Variants in CARD18 observed in about 807,000 individuals in gnomAD.
CARD18 encodes caspase recruitment domain family member 18, also known as caspase recruitment domain-containing protein 18.
CARD18 carries 7 observed loss-of-function variants against 7.9 expected under a neutral mutation model. That is an observed-to-expected ratio of 0.88 (90% CI 0.50 to 1.66). CARD18 has a LOEUF of 1.66. Among genes scored for constraint, CARD18 ranks in the 40% most tolerant of loss-of-function variants. CARD18 has a pLI of 0.00. For missense variants in CARD18, 134 were observed against 105.5 expected (o/e 1.27, Z -1.18); for synonymous variants, 34 against 34.8 (o/e 0.98, Z 0.08).
chr11:105,137,766 G>A lies in CARD18; in HGVS notation c.*334C>T, dbSNP rs1031371647. The A allele has an allele frequency of 6.6e-6, 1 of 152,078 alleles. No individual in the cohort carries two copies. Among genetic ancestry groups the A allele is most frequent in the Non-Finnish European group, 1.5e-5 (1 of 68,014 alleles). The allele number at this position is 152,078 out of a possible 1,614,324, so 9.4% of individuals were successfully genotyped here. A position where few individuals can be genotyped will look rare whatever the true frequency, so the allele number is the denominator to read the frequency against. ...TTATTCCCATCACAGCAGACTCTCA[G>A]TGCTAAAAGCACCAAAGTAAGCTGT... is the stretch of plus-strand genomic sequence containing the variant. On this transcript the variant is annotated 3_prime_UTR_variant, in exon 3 of 3. Coordinates refer to ENST00000530950, the MANE Select transcript of CARD18 (RefSeq NM_021571.4).
chr11:105,138,673 A>G, intron 2 of CARD18, 139 bp downstream of exon 2: 1 of 910,714 alleles, frequency 1.1e-6, no homozygotes, highest in Non-Finnish European at 1.7e-6. Flanking sequence ...CATAAGCTAG[A>G]GCCATGCATA....
chr11:105,139,304 A>T (rs1865444948), intron 1 of CARD18: 1 of 565,908 alleles, frequency 1.8e-6, no homozygotes, highest in Non-Finnish European at 3.1e-6. Flanking sequence ...TTTTTCTGTG[A>T]ATCTCCTAAA....
At chr11:105,139,145 G>A (rs1865443128) in intron 1 of CARD18, 67 bp from the exon 2 acceptor site, 17 of 1,513,724 alleles carry the variant, frequency 1.1e-5, no homozygotes, top group Non-Finnish European at 1.5e-5. Context: ...TTTACCAACA[G>A]GGTAACAATC....
intron 1 of CARD18, 185 bp from the exon 2 acceptor site, chr11:105,139,263 A>C: frequency 1.6e-6 from 1 of 627,680 alleles, no homozygotes; most frequent in Admixed American, 3.3e-5. Context: ...ACATATGCTC[A>C]CTGAGTGACC....
chr11:105,138,506 C>T (rs889451061), intron 2 of CARD18, among the ~76,000 whole-genome samples: 1 of 151,940 alleles, frequency 6.6e-6, no homozygotes, highest in African/African-American at 2.4e-5. Flanking sequence ...GTACATTGCT[C>T]CCCAGGACCA....
At position 105,138,942 on chromosome 11, in the gene CARD18, G is replaced by A. The variant is rs374779062; in HGVS notation, c.144C>T (p.Asp48=). The A allele has an allele frequency of 6.2e-5, 100 of 1,613,600 alleles. No individual in the cohort carries two copies. Among genetic ancestry groups the A allele is most frequent in the Non-Finnish European group, 8.2e-5 (97 of 1,179,738 alleles). Reference sequence around the variant, plus strand: ...AGACTCGAGCCTTATCCATGACAGTGTCATTTTCATCTCTCACTTTGTTCA... The same window carrying A: ...AGACTCGAGCCTTATCCATGACAGTATCATTTTCATCTCTCACTTTGTTCA... ...EDMNKVRDEN[D]TVMDKARVLI... The change falls in exon 2 of 3, where the codon GAC becomes GAT. Residue 48 remains aspartate (D), a synonymous_variant. Coordinates refer to ENST00000530950, the MANE Select transcript of CARD18 (RefSeq NM_021571.4).
chr11:105,139,477 T>A, intron 1 of CARD18: 1 of 568,936 alleles, frequency 1.8e-6, no homozygotes, highest in Non-Finnish European at 3.1e-6. Flanking sequence ...ACTCTTCAAA[T>A]GTGGACAACA....
chr11:105,139,181 C>G, intron 1 of CARD18, 103 bp from the exon 2 acceptor site: 1 of 1,293,668 alleles, frequency 7.7e-7, no homozygotes, highest in African/African-American at 1.5e-5. Context: ...TCCACAAGTA[C>G]AGTAATCCCA....
At chr11:105,139,660 G>T in intron 1 of CARD18, 60 bp downstream of exon 1, 3 of 1,575,088 alleles carry the variant, frequency 1.9e-6, no homozygotes, top group Non-Finnish European at 2.6e-6. Context: ...AATGAGAAAG[G>T]CAGTCCTTTC....
In CARD18 at chr11:105,137,810, G is replaced by A. The variant is rs909947691; in HGVS notation, c.*290C>T. On this transcript the variant is annotated 3_prime_UTR_variant, in exon 3 of 3. Transcript: ENST00000530950. ...AAGCTGTACATGTCTCTACAGGATT[G>A]CAAAGGAACTAAACAGAAAGGAAGG... is the stretch of plus-strand genomic sequence containing the variant. 1 of 152,072 alleles carries A rather than the reference G, an allele frequency of 6.6e-6. No homozygotes were observed. Among genetic ancestry groups the A allele is most frequent in the African/African-American group, 2.4e-5 (1 of 41,394 alleles). The allele number at this position is 152,072 out of a possible 1,614,324, so 9.4% of individuals were successfully genotyped here.
intron 1 of CARD18, 84 bp downstream of exon 1, chr11:105,139,636 C>T: frequency 1.3e-6 from 2 of 1,502,890 alleles, no homozygotes; most frequent in Admixed American, 1.7e-5. Flanking sequence ...CCCACACAAA[C>T]CTTCACAAAG....
Position 105,139,048 on chromosome 11 carries a change from A to C in CARD18, c.38T>G (p.Phe13Cys). The C allele has an allele frequency of 1.2e-6, 2 of 1,613,314 alleles. No individual in the cohort carries two copies. The highest frequency in any genetic ancestry group is 1.7e-6 in the Non-Finnish European group (2 of 1,179,566). ...DQLLRKKRRI[F>C]IHSVGAGTIN... is the part of the protein sequence containing the mutation. The stretch of plus-strand genomic sequence containing the variant: ...TGTGCCTGCACCCACTGAATGGATA[A>C]AAATTCTTCTCTTTTTACGCAAGAG... The change falls in exon 2 of 3, where the codon TTT becomes TGT. Residue 13 changes from phenylalanine (F) to cysteine (C), a missense_variant. Transcript: ENST00000530950.
At chr11:105,139,198 G>A (rs1407441905) in intron 1 of CARD18, 120 bp from the exon 2 acceptor site, 14 of 1,120,448 alleles carry the variant, frequency 1.2e-5, no homozygotes, top group Admixed American at 2.3e-5. Context: ...CCCAAGGAAC[G>A]GTCTTATACC....
Position 105,138,824 on chromosome 11 carries a change from C to T in CARD18, c.262G>A (p.Gly88Ser). The T allele has an allele frequency of 1.9e-6, 3 of 1,613,490 alleles. No individual in the cohort carries two copies. Among genetic ancestry groups the T allele is most frequent in the Admixed American group, 1.7e-5 (1 of 59,996 alleles). The change falls in exon 2 of 3, where the codon GGT becomes AGT. Residue 88 changes from glycine to serine, a missense_variant. Gly to Ser is a moderately conservative substitution (Grantham distance 56, BLOSUM62 0). Coordinates refer to ENST00000530950, the MANE Select transcript of CARD18 (RefSeq NM_021571.4). ...EEDPQLASKM[G>S]LH ...CATTCCACCTTACCTTAGTGCAAAC[C>T]CATCTTTGAGGCAAGTTGAGGGTCT...
intron 1 of CARD18, 139 bp downstream of exon 1, chr11:105,139,581 C>G: frequency 1.2e-6 from 1 of 867,314 alleles, no homozygotes; most frequent in Non-Finnish European, 1.8e-6. Flanking sequence ...GGGCATCTTC[C>G]CACCCTGCCT....
rs2134724649 is a variant in CARD18 at position 105,138,042 on chromosome 11, C to A, written c.*58G>T. The A allele has an allele frequency of 1.3e-5, 2 of 152,168 alleles. 1 individual carries two copies. Among genetic ancestry groups the A allele is most frequent in the East Asian group, 3.9e-4 (2 of 5,154 alleles). 9.4% of individuals were successfully genotyped at this position (152,168 alleles called of 1,614,324 possible). A position where few individuals can be genotyped will look rare whatever the true frequency, so the allele number is the denominator to read the frequency against. ...TTTTTTTCTTTCACGAGAATATCTT[C>A]TCCCTTGGAAGAAGCTCTGGGAAGT... On this transcript the variant is annotated 3_prime_UTR_variant, in exon 3 of 3. Coordinates refer to ENST00000530950, the MANE Select transcript of CARD18 (RefSeq NM_021571.4).
intron 2 of CARD18, among the ~76,000 whole-genome samples, chr11:105,138,407 G>T (rs185439724): frequency 1.3e-5 from 2 of 152,110 alleles, no homozygotes; most frequent in Non-Finnish European, 2.9e-5. Flanking sequence ...GGGAGATGGG[G>T]TAAGAGCAGG....
chr11:105,137,960 T>G lies in CARD18; in HGVS notation c.*140A>C, dbSNP rs938563472. 6.6e-6 allele frequency: 1 copy of G among 152,190 alleles called. No homozygotes were observed. Among genetic ancestry groups the G allele is most frequent in the Non-Finnish European group, 1.5e-5 (1 of 68,034 alleles). 9.4% of individuals were successfully genotyped at this position (152,190 alleles called of 1,614,324 possible). ...AAAGTAATATGAGAGAATGAAAGATTTATTGGAAATTGATGAAATTAATCA... is the reference window on the plus strand; with the variant it reads ...AAAGTAATATGAGAGAATGAAAGATGTATTGGAAATTGATGAAATTAATCA... On this transcript the variant is annotated 3_prime_UTR_variant, in exon 3 of 3. Transcript: ENST00000530950.
chr11:105,139,420 C>T (rs894186002), intron 1 of CARD18: 53 of 541,894 alleles, frequency 9.8e-5, no homozygotes, highest in Admixed American at 6.9e-5. Context: ...TTGAGAACAA[C>T]AGCTACTGAT....
Sources: gnomAD v4.1 joint callset for allele counts (sites outside exome capture counted in the v4.1 genomes callset) on GRCh38, gnomAD v4.1.1 for gene constraint, MANE v1.5 for transcripts, NCBI Gene and HGNC (gene_info 2026-07-23, HGNC 2026-07-21) for gene names.